Variants in SLC38A11 observed in about 807,000 individuals in gnomAD.
SLC38A11 encodes putative sodium-coupled neutral amino acid transporter 11.
A neutral mutation model predicts 49.4 loss-of-function variants in SLC38A11; 51 were observed. The observed-to-expected ratio is 1.03, with a 90% CI of 0.83 to 1.30. SLC38A11 has a LOEUF of 1.30. Among genes scored for constraint, SLC38A11 ranks in the 50% most tolerant of loss-of-function variants. The pLI is 0.00. For missense variants in SLC38A11, 574 were observed against 556.2 expected (o/e 1.03, Z -0.32); for synonymous variants, 203 against 192.9 (o/e 1.05, Z -0.43).
At chr2:164,906,812 T>C (rs1685040272) in intron 11 of SLC38A11, among the ~76,000 whole-genome samples, 1 of 152,168 alleles carries the variant, frequency 6.6e-6, no homozygotes, top group East Asian at 1.9e-4. Flanking sequence ...CCACTTTCCA[T>C]TTACAAGAAA....
intron 3 of SLC38A11, among the ~76,000 whole-genome samples, chr2:164,946,585 A>AT (rs1553504129): frequency 1.4e-5 from 2 of 138,396 alleles, no homozygotes; most frequent in Non-Finnish European, 3.2e-5. Context: ...AAAAAAAAAA[A>AT]TTTGCATTTT....
chr2:164,937,066 C>T (rs565128321), intron 7 of SLC38A11, among the ~76,000 whole-genome samples: 1 of 152,200 alleles, frequency 6.6e-6, no homozygotes, highest in Admixed American at 6.5e-5. Flanking sequence ...CTCTTTTCAA[C>T]TATTCAAAAT....
At chr2:164,941,773 G>T (rs1198301950) in intron 5 of SLC38A11, among the ~76,000 whole-genome samples, 1 of 152,068 alleles carries the variant, frequency 6.6e-6, no homozygotes, top group Non-Finnish European at 1.5e-5. Flanking sequence ...GTACTGTACA[G>T]AATACTGAAC....
intron 7 of SLC38A11, among the ~76,000 whole-genome samples, chr2:164,930,791 C>T (rs1209951806): frequency 6.6e-6 from 1 of 152,076 alleles, no homozygotes; most frequent in African/African-American, 2.4e-5. Flanking sequence ...TAAACCACAG[C>T]CAACATCATA....
intron 3 of SLC38A11, among the ~76,000 whole-genome samples, chr2:164,948,261 C>T (rs974283551): frequency 2.0e-5 from 3 of 152,126 alleles, no homozygotes; most frequent in South Asian, 2.1e-4. Context: ...ACAAGCTGCA[C>T]GTGACAGTGG....
intron 11 of SLC38A11, among the ~76,000 whole-genome samples, chr2:164,905,146 C>A (rs1180436308): frequency 6.6e-6 from 1 of 151,784 alleles, no homozygotes; most frequent in Non-Finnish European, 1.5e-5. Context: ...GAGATGGAGT[C>A]TTGCTTTGTC....
intron 5 of SLC38A11, among the ~76,000 whole-genome samples, chr2:164,940,631 A>T (rs7604768): frequency 0.017 from 2,545 of 151,312 alleles, 72 homozygotes; most frequent in African/African-American, 0.058. Context: ...AACCTACAAG[A>T]AAGTTTCAAG....
At chr2:164,919,383 A>T (rs1001189380) in intron 7 of SLC38A11, among the ~76,000 whole-genome samples, 7 of 152,180 alleles carry the variant, frequency 4.6e-5, no homozygotes, top group South Asian at 2.1e-4. Flanking sequence ...GAAATTTAAA[A>T]CTCAAAAAAA....
chr2:164,899,637 AT>A (rs1401826436), intron 11 of SLC38A11, among the ~76,000 whole-genome samples: 1 of 152,140 alleles, frequency 6.6e-6, no homozygotes, highest in African/African-American at 2.4e-5. Flanking sequence ...TATGACAAAT[AT>A]TCTCTTAAAC....
At position 164,955,262 on chromosome 2, in the gene SLC38A11, C is replaced by G. The variant is rs1688773446; in HGVS notation, c.-15G>C. 5 of 1,550,232 alleles carry G rather than the reference C, an allele frequency of 3.2e-6. No homozygotes were observed. The highest frequency in any genetic ancestry group is 4.4e-6 in the Non-Finnish European group (5 of 1,146,838). ...TGGTAGCCCATGGCTGAGCGGTGGT[C>G]CTCAGCAGGTGGAAGATGCTGGGGC... On this transcript the variant is annotated 5_prime_UTR_variant, in exon 1 of 12. Transcript: ENST00000685975.
intron 11 of SLC38A11, among the ~76,000 whole-genome samples, chr2:164,902,513 G>C (rs769714333): frequency 7.2e-5 from 11 of 152,058 alleles, no homozygotes; most frequent in Non-Finnish European, 1.6e-4. Flanking sequence ...CACAAAAGTA[G>C]AAAGAATAGT....
Position 164,923,803 on chromosome 2 carries a change from T to TAA in SLC38A11, c.618-7832_618-7831dup, listed in dbSNP as rs71028454. Among the ~76,000 whole-genome samples, 47 of 133,806 alleles carry TAA rather than the reference T, an allele frequency of 3.5e-4. 1 individual carries two copies. Among genetic ancestry groups the TAA allele is most frequent in the Non-Finnish European group, 5.9e-4 (35 of 59,706 alleles). 87.8% of individuals were successfully genotyped at this position (133,806 alleles called of 152,430 possible). A position where few individuals can be genotyped will look rare whatever the true frequency, so the allele number is the denominator to read the frequency against. ...GAGAGCAAGACCCTGTCTTGAAAAA[T>TAA]AAAAAAAAAAAACAAATGTTAGTGG... On this transcript the variant is annotated intron_variant, in intron 7 of 11. Transcript: ENST00000685975.
chr2:164,945,570 A>G, intron 4 of SLC38A11, 23 bp downstream of exon 4: 1 of 1,575,938 alleles, frequency 6.3e-7, no homozygotes, highest in Non-Finnish European at 8.6e-7. Context: ...TAATTGCAAT[A>G]TTTATCTTCA....
intron 9 of SLC38A11, among the ~76,000 whole-genome samples, chr2:164,913,133 CT>C (rs1395997358): frequency 6.6e-6 from 1 of 151,976 alleles, no homozygotes; most frequent in African/African-American, 2.4e-5. Flanking sequence ...AATAATTTGC[CT>C]CTTCCCAAGA....
intron 10 of SLC38A11, among the ~76,000 whole-genome samples, chr2:164,909,607 G>A (rs1458456991): frequency 6.6e-6 from 1 of 151,410 alleles, no homozygotes; most frequent in Non-Finnish European, 1.5e-5. Flanking sequence ...GTTTGAGGTA[G>A]GGCTTGAAAC....
In SLC38A11 at chr2:164,939,473, G is replaced by A. The variant is rs760235368; in HGVS notation, c.514C>T (p.Arg172Ter). 20 of 1,606,036 alleles carry A rather than the reference G, an allele frequency of 1.2e-5. No individual in the cohort carries two copies. The highest frequency in any genetic ancestry group is 1.0e-4 in the Admixed American group (6 of 58,976). The change falls in exon 6 of 12, where the codon CGA becomes TGA. Residue 172 changes from arginine to a stop codon, truncating the protein, a stop_gained. Coordinates refer to ENST00000685975, the MANE Select transcript of SLC38A11 (RefSeq NM_001351537.2). LOFTEE classifies it high-confidence loss of function. ...VTFTLPLSLY[R>*]NIAKLGKVSL... Reference sequence around the variant, plus strand: ...ACCTTTCCAAGCTTTGCTATATTTCGGTACAAGGATAAAGGCAGAGTAAAG... The same window carrying A: ...ACCTTTCCAAGCTTTGCTATATTTCAGTACAAGGATAAAGGCAGAGTAAAG...
At position 164,906,800 on chromosome 2, in the gene SLC38A11, C is replaced by T. The variant is rs190945537; in HGVS notation, c.1095+1840G>A. Among the ~76,000 whole-genome samples the T allele has an allele frequency of 1.5e-3, 230 of 152,264 alleles. 2 individuals are homozygous for T. Among genetic ancestry groups the T allele is most frequent in the African/African-American group, 5.0e-3 (207 of 41,560 alleles). On this transcript the variant is annotated intron_variant, in intron 11 of 11. Transcript: ENST00000685975. ...CCTGAGGTTTTGGAAACTGCTTACT[C>T]CCCACTTTCCATTTACAAGAAAGTC... is the stretch of plus-strand genomic sequence containing the variant.
chr2:164,915,802 C>T (rs1196108538), intron 8 of SLC38A11, 101 bp downstream of exon 8: 7 of 861,484 alleles, frequency 8.1e-6, no homozygotes, highest in Non-Finnish European at 9.2e-6. Context: ...AAGTCTAAAA[C>T]TTAGGACATC....
chr2:164,935,526 A>G (rs1474476577), intron 7 of SLC38A11, among the ~76,000 whole-genome samples: 1 of 150,726 alleles, frequency 6.6e-6, no homozygotes, highest in Non-Finnish European at 1.5e-5. Context: ...AAAAAAAGAA[A>G]GAAAGAAAAA....
Sources: gnomAD v4.1 joint callset for allele counts (sites outside exome capture counted in the v4.1 genomes callset) on GRCh38, gnomAD v4.1.1 for gene constraint, MANE v1.5 for transcripts, NCBI Gene and HGNC (gene_info 2026-07-23, HGNC 2026-07-21) for gene names.